SPATA13: variants seen among roughly 807,000 people sequenced by gnomAD.
SPATA13 encodes the protein spermatogenesis associated 13.
Under a neutral mutation model 104.0 loss-of-function variants are expected in SPATA13, and 50 were observed. The observed-to-expected ratio is 0.48, with a 90% CI of 0.38 to 0.61. The LOEUF is 0.61. SPATA13 is among the 20% of genes least tolerant of loss of function. The probability of loss-of-function intolerance (pLI) is 0.00; values close to 1 mark genes in which losing one functional copy is unlikely to be tolerated. For missense variants in SPATA13, 1,524 were observed against 1,690.6 expected (o/e 0.90, Z 1.73); for synonymous variants, 606 against 667.5 (o/e 0.91, Z 1.42).
intron 3 of SPATA13, among the ~76,000 whole-genome samples, chr13:24,130,878 G>T (rs1442558252): frequency 6.6e-6 from 1 of 152,188 alleles, no homozygotes; most frequent in African/African-American, 2.4e-5. Flanking sequence ...AATGTAAGGA[G>T]CCGGGAATCT....
At chr13:24,173,547 G>A (rs1392209851) in intron 1 of SPATA13, among the ~76,000 whole-genome samples, 3 of 149,398 alleles carry the variant, frequency 2.0e-5, no homozygotes, top group Non-Finnish European at 4.4e-5. Context: ...ATTGGCTATG[G>A]CATCCTGTCC....
intron 10 of SPATA13, among the ~76,000 whole-genome samples, chr13:24,295,947 T>G (rs770577817): frequency 6.6e-6 from 1 of 152,134 alleles, no homozygotes; most frequent in Non-Finnish European, 1.5e-5. Flanking sequence ...GCACCCTGGC[T>G]TCAAAGTCCG....
At chr13:24,300,556 CTG>C (rs1212825828) in intron 12 of SPATA13, 81 bp downstream of exon 12, 2 of 1,276,562 alleles carry the variant, frequency 1.6e-6, no homozygotes, top group Non-Finnish European at 2.3e-6. Flanking sequence ...AGTTGTCAGC[CTG>C]TGACCAGCTT....
chr13:24,057,205 A>G (rs1415484008), intron 3 of SPATA13, among the ~76,000 whole-genome samples: 1 of 151,806 alleles, frequency 6.6e-6, no homozygotes, highest in Non-Finnish European at 1.5e-5. Context: ...AACATTAAGT[A>G]TATCTCCTAA....
At chr13:24,117,588 C>T (rs757040193) in intron 3 of SPATA13, among the ~76,000 whole-genome samples, 1 of 152,186 alleles carries the variant, frequency 6.6e-6, no homozygotes, top group Admixed American at 6.5e-5. Flanking sequence ...TTCTCTGGAA[C>T]TGCTTATGAC....
intron 1 of SPATA13, among the ~76,000 whole-genome samples, chr13:24,190,007 T>A (rs1593398311): frequency 1.5e-5 from 1 of 68,356 alleles, no homozygotes; most frequent in African/African-American, 6.7e-5. Flanking sequence ...TATAATAATA[T>A]ATTATTATAT....
Position 24,057,022 on chromosome 13 carries a change from TCTCTCTC to T in SPATA13, c.-112+39322_-112+39328del, listed in dbSNP as rs1566087996. On this transcript the variant is annotated intron_variant, in intron 3 of 14. Transcript: ENST00000424834. ...TGTTTTCTTTCTCTCTCTCTCTCTCTCTCTCTCTCTTTCTTTCATAGCGTCTGGCTCT... is the reference window on the plus strand; with the variant it reads ...TGTTTTCTTTCTCTCTCTCTCTCTCTTCTTTCTTTCATAGCGTCTGGCTCT... Among the ~76,000 whole-genome samples, 7 of 149,874 alleles carry T rather than the reference TCTCTCTC, an allele frequency of 4.7e-5. No individual in the cohort carries two copies. In the East Asian group the frequency reaches 9.8e-4, roughly 21 times the overall value.
chr13:24,033,460 T>G (rs1379795282), intron 3 of SPATA13: 1 of 151,890 alleles, frequency 6.6e-6, no homozygotes, highest in Non-Finnish European at 1.5e-5. Context: ...TGCAGAGAGG[T>G]CTCTCTGGTA....
chr13:24,026,740 G>A (rs9511002), intron 3 of SPATA13, among the ~76,000 whole-genome samples: 4 of 151,810 alleles, frequency 2.6e-5, no homozygotes, highest in Non-Finnish European at 5.9e-5. Context: ...ACCACGTCCA[G>A]CTAATTTTTT....
chr13:24,010,484 A>C (rs1159273543), intron 2 of SPATA13, among the ~76,000 whole-genome samples: 1 of 137,248 alleles, frequency 7.3e-6, no homozygotes, highest in Admixed American at 7.5e-5. Context: ...TCATCTTTGT[A>C]GCTACGTTAT....
At chr13:24,069,070 T>G (rs1030445034) in intron 3 of SPATA13, among the ~76,000 whole-genome samples, 1 of 152,216 alleles carries the variant, frequency 6.6e-6, no homozygotes, top group African/African-American at 2.4e-5. Context: ...CCTCCACTTT[T>G]CTTCTTTTTG....
At chr13:24,172,918 G>C (rs1267113404) in intron 1 of SPATA13, among the ~76,000 whole-genome samples, 1 of 152,140 alleles carries the variant, frequency 6.6e-6, no homozygotes, top group Admixed American at 6.5e-5. Context: ...ACTATGTTAA[G>C]TTTCTGATCA....
At chr13:24,022,962 T>A (rs1353590011) in intron 3 of SPATA13, among the ~76,000 whole-genome samples, 1 of 152,144 alleles carries the variant, frequency 6.6e-6, no homozygotes, top group African/African-American at 2.4e-5. Flanking sequence ...TATTATACTT[T>A]AAGTTCTAGG....
At chr13:24,129,969 G>T (rs1017305086) in intron 3 of SPATA13, among the ~76,000 whole-genome samples, 1 of 152,218 alleles carries the variant, frequency 6.6e-6, no homozygotes, top group Non-Finnish European at 1.5e-5. Flanking sequence ...ATTCACCTGG[G>T]AGTCCCTCCA....
At chr13:24,246,548 GAGAC>G (rs1413726417) in intron 2 of SPATA13, among the ~76,000 whole-genome samples, 3 of 152,174 alleles carry the variant, frequency 2.0e-5, no homozygotes, top group African/African-American at 7.2e-5. Flanking sequence ...CTGTGTGTGA[GAGAC>G]AGAGTTCATA....
chr13:24,168,736 T>C (rs1452710815), intron 1 of SPATA13, among the ~76,000 whole-genome samples: 1 of 152,136 alleles, frequency 6.6e-6, no homozygotes, highest in Non-Finnish European at 1.5e-5. Flanking sequence ...CCTCCAGCCC[T>C]CATTCAAAAC....
intron 3 of SPATA13, among the ~76,000 whole-genome samples, chr13:24,126,685 T>C (rs1407022361): frequency 6.6e-6 from 1 of 152,076 alleles, no homozygotes; most frequent in East Asian, 1.9e-4. Flanking sequence ...GCCTACTGAG[T>C]AGCTGCAACT....
At chr13:24,108,560 C>G (rs1043483524) in intron 3 of SPATA13, among the ~76,000 whole-genome samples, 1 of 152,162 alleles carries the variant, frequency 6.6e-6, no homozygotes, top group African/African-American at 2.4e-5. Context: ...GGACACTCAC[C>G]CTTGCAGCCA....
intron 3 of SPATA13, among the ~76,000 whole-genome samples, chr13:24,023,948 T>C (rs954805604): frequency 1.1e-4 from 16 of 152,222 alleles, no homozygotes; most frequent in African/African-American, 3.9e-4. Flanking sequence ...CAAATGCATG[T>C]GGACGCTAAT....
Sources: allele counts gnomAD v4.1 joint callset (sites outside exome capture counted in the v4.1 genomes callset), GRCh38; gene constraint gnomAD v4.1.1; transcripts MANE v1.5; gene names NCBI Gene and HGNC (gene_info 2026-07-23, HGNC 2026-07-21).